The following ETV6 variants were observed in gnomAD, a reference collection of about 807,000 sequenced individuals.
ETV6 encodes transcription factor ETV6.
ETV6 carries 16 observed loss-of-function variants against 51.1 expected under a neutral mutation model. The ratio of observed to expected loss-of-function variants is 0.31; its 90% CI spans 0.21 to 0.48. The LOEUF (loss-of-function observed/expected upper bound fraction) is 0.48. Among genes scored for constraint, ETV6 ranks in the 20% least tolerant of loss-of-function variants. The pLI is 0.99. For synonymous variants in ETV6, 240 were observed against 224.1 expected, an observed-to-expected ratio of 1.07 and a Z score of -0.64; for missense variants, 458 against 594.8, an observed-to-expected ratio of 0.77 and a Z score of 2.39.
chr12:11,865,648 G>T, intron 4 of ETV6, among the ~76,000 whole-genome samples: 1 of 147,628 alleles, frequency 6.8e-6, no homozygotes, highest in Non-Finnish European at 1.5e-5. Context: ...TATAGTATTA[G>T]TATATACTAT....
At chr12:11,793,117 T>C (rs1945628212) in intron 2 of ETV6, among the ~76,000 whole-genome samples, 1 of 152,108 alleles carries the variant, frequency 6.6e-6, no homozygotes, top group African/African-American at 2.4e-5. Context: ...TATACTCTAG[T>C]GTTGGAACAA....
chr12:11,655,002 G>T (rs1863973877), intron 1 of ETV6, among the ~76,000 whole-genome samples: 1 of 152,192 alleles, frequency 6.6e-6, no homozygotes, highest in Non-Finnish European at 1.5e-5. Flanking sequence ...AGCACCAGAG[G>T]CAGGTAGAGC....
intron 2 of ETV6, among the ~76,000 whole-genome samples, chr12:11,762,531 C>T (rs1199948721): frequency 6.6e-6 from 1 of 152,126 alleles, no homozygotes; most frequent in African/African-American, 2.4e-5. Context: ...GTAGCACATG[C>T]ACAATTAATA....
At chr12:11,791,743 TAA>T (rs1945597024) in intron 2 of ETV6, among the ~76,000 whole-genome samples, 1 of 121,876 alleles carries the variant, frequency 8.2e-6, no homozygotes, top group African/African-American at 3.0e-5. Context: ...TACTACTATA[TAA>T]GTGTTCATTG....
chr12:11,714,885 T>C (rs1865246011), intron 1 of ETV6, among the ~76,000 whole-genome samples: 1 of 151,900 alleles, frequency 6.6e-6, no homozygotes, highest in Non-Finnish European at 1.5e-5. Flanking sequence ...AGTTAAAGGG[T>C]TGGAGTATGG....
At chr12:11,752,327 G>A (rs1866046348) in intron 1 of ETV6, 123 bp from the exon 2 acceptor site, 2 of 970,248 alleles carry the variant, frequency 2.1e-6, no homozygotes, top group Admixed American at 2.1e-5. Context: ...GATTGCTTGG[G>A]AAGCTGGTAC....
chr12:11,650,498 AAAAAC>A (rs1565472721), intron 1 of ETV6, among the ~76,000 whole-genome samples: 1,386 of 82,578 alleles, frequency 0.017, 144 homozygotes, highest in African/African-American at 0.048. Flanking sequence ...AAAAAAAACA[AAAAAC>A]AAAAAAAAAA....
At chr12:11,730,381 A>G (rs1865570809) in intron 1 of ETV6, among the ~76,000 whole-genome samples, 1 of 152,214 alleles carries the variant, frequency 6.6e-6, no homozygotes, top group South Asian at 2.1e-4. Context: ...TCCTGTACAA[A>G]CAGAAGTCCA....
intron 3 of ETV6, among the ~76,000 whole-genome samples, chr12:11,843,627 G>A (rs1315582514): frequency 6.6e-6 from 1 of 152,130 alleles, no homozygotes; most frequent in African/African-American, 2.4e-5. Context: ...CCTCTCCAAT[G>A]TAGAGAGGAG....
At chr12:11,865,641 A>T (rs1946781196) in intron 4 of ETV6, among the ~76,000 whole-genome samples, 1 of 148,374 alleles carries the variant, frequency 6.7e-6, no homozygotes, top group African/African-American at 2.4e-5. Context: ...ATACTTATAT[A>T]GTATTAGTAT....
At chr12:11,685,994 C>T (rs1169699159) in intron 1 of ETV6, among the ~76,000 whole-genome samples, 1 of 152,184 alleles carries the variant, frequency 6.6e-6, no homozygotes, top group Non-Finnish European at 1.5e-5. Flanking sequence ...AGAAAATCTT[C>T]AGGGTTAGTA....
intron 2 of ETV6, among the ~76,000 whole-genome samples, chr12:11,756,963 G>A (rs1262289378): frequency 6.6e-6 from 1 of 152,112 alleles, no homozygotes; most frequent in African/African-American, 2.4e-5. Context: ...CCATTTGCCC[G>A]CAGACTGTGC....
intron 2 of ETV6, among the ~76,000 whole-genome samples, chr12:11,788,146 C>T (rs2136380111): frequency 6.6e-6 from 1 of 152,316 alleles, no homozygotes; most frequent in Middle Eastern, 3.4e-3. Context: ...AGTCCCCAGG[C>T]AGTTCATTTG....
At chr12:11,696,561 G>A (rs1367229463) in intron 1 of ETV6, among the ~76,000 whole-genome samples, 4 of 152,196 alleles carry the variant, frequency 2.6e-5, no homozygotes, top group Non-Finnish European at 5.9e-5. Flanking sequence ...GCTCACACCT[G>A]TAATCCCAGC....
chr12:11,816,492 C>T (rs554353374), intron 2 of ETV6, among the ~76,000 whole-genome samples: 10 of 152,248 alleles, frequency 6.6e-5, no homozygotes, highest in African/African-American at 2.4e-4. Flanking sequence ...GTGATCCACC[C>T]GCCTCGGCCT....
chr12:11,698,426 T>G (rs2856319), intron 1 of ETV6, among the ~76,000 whole-genome samples: 141,536 of 152,282 alleles, frequency 0.93, 65,838 homozygotes, highest in Middle Eastern at 0.96. Flanking sequence ...CAGGGCTGTG[T>G]TCTGATCTGA....
intron 7 of ETV6, among the ~76,000 whole-genome samples, chr12:11,888,418 CAG>C (rs200830895): frequency 0.046 from 3,264 of 70,778 alleles, 151 homozygotes; most frequent in African/African-American, 0.14. Flanking sequence ...TTTTTTTAGA[CAG>C]AGCCTTGTTC....
At chr12:11,855,296 ACT>A (rs927050072) in intron 4 of ETV6, among the ~76,000 whole-genome samples, 2 of 152,000 alleles carry the variant, frequency 1.3e-5, no homozygotes, top group African/African-American at 2.4e-5. Context: ...ACAGAGCGAG[ACT>A]CTGTCTCAAA....
At chr12:11,830,956 G>A (rs551870728) in intron 2 of ETV6, among the ~76,000 whole-genome samples, 1 of 152,314 alleles carries the variant, frequency 6.6e-6, no homozygotes, top group African/African-American at 2.4e-5. Flanking sequence ...GACAAGAACA[G>A]ATGTGTTTTC....
Sources: allele counts gnomAD v4.1 joint callset (sites outside exome capture counted in the v4.1 genomes callset), GRCh38; gene constraint gnomAD v4.1.1; transcripts MANE v1.5; gene names NCBI Gene and HGNC (gene_info 2026-07-23, HGNC 2026-07-21).